DLG2: variants seen among roughly 807,000 people sequenced by gnomAD.
DLG2 encodes disks large homolog 2.
Under a neutral mutation model 132.5 loss-of-function variants are expected in DLG2, and 45 were observed. That is an observed-to-expected ratio of 0.34 (90% CI 0.27 to 0.44). The LOEUF (loss-of-function observed/expected upper bound fraction) is 0.44. Ranked by LOEUF, DLG2 falls within the 20% of genes least tolerant of loss-of-function variation. DLG2 has a pLI of 1.00. For missense variants in DLG2, 1,045 were observed against 1,196.9 expected (o/e 0.87, Z 1.87); for synonymous variants, 424 against 419.6 (o/e 1.01, Z -0.13).
chr11:84,072,564 T>C (rs1440138494), intron 10 of DLG2, among the ~76,000 whole-genome samples: 1 of 152,078 alleles, frequency 6.6e-6, no homozygotes, highest in Non-Finnish European at 1.5e-5. Flanking sequence ...GAAGGCCAAA[T>C]AGAAGTTAGC....
intron 5 of DLG2, 76 bp downstream of exon 5, chr11:85,154,480 C>T (rs2077469400): frequency 2.6e-6 from 2 of 774,892 alleles, no homozygotes; most frequent in African/African-American, 3.5e-5. Flanking sequence ...TTTAACACTA[C>T]TAGCACTATC....
At chr11:84,198,672 T>A (rs2154297160) in intron 8 of DLG2, among the ~76,000 whole-genome samples, 1 of 152,128 alleles carries the variant, frequency 6.6e-6, no homozygotes, top group Admixed American at 6.5e-5. Context: ...TGAATATGAG[T>A]AAAATAAAAA....
intron 6 of DLG2, among the ~76,000 whole-genome samples, chr11:84,742,849 T>A (rs548259491): frequency 1.3e-5 from 2 of 152,210 alleles, no homozygotes; most frequent in African/African-American, 2.4e-5. Flanking sequence ...CTGAACTTTT[T>A]ACTGTCTCTA....
intron 4 of DLG2, among the ~76,000 whole-genome samples, chr11:85,157,789 G>A (rs2077696122): frequency 6.6e-6 from 1 of 152,200 alleles, no homozygotes; most frequent in Non-Finnish European, 1.5e-5. Context: ...CTGCAACTTG[G>A]AATGGCAATG....
At chr11:84,130,524 ATATATG>A (rs1487916936) in intron 9 of DLG2, among the ~76,000 whole-genome samples, 7 of 123,944 alleles carry the variant, frequency 5.6e-5, no homozygotes, top group South Asian at 2.4e-4. Context: ...ACACACACAC[ATATATG>A]TGTGTGTGTA....
intron 6 of DLG2, among the ~76,000 whole-genome samples, chr11:84,673,831 C>T (rs2099708573): frequency 6.6e-6 from 1 of 152,006 alleles, no homozygotes; most frequent in African/African-American, 2.4e-5. Context: ...TATCCTATAC[C>T]TGTCAACTAC....
chr11:83,892,962 C>T (rs790342), intron 15 of DLG2, among the ~76,000 whole-genome samples: 12,989 of 152,188 alleles, frequency 0.085, 774 homozygotes, highest in Non-Finnish European at 0.13. Context: ...CCAGTTCATT[C>T]CCTCCCATGT....
chr11:84,363,912 G>T (rs1333676395), intron 7 of DLG2, among the ~76,000 whole-genome samples: 1 of 152,080 alleles, frequency 6.6e-6, no homozygotes, highest in Non-Finnish European at 1.5e-5. Context: ...GGTTACTGTA[G>T]CCTTGTAGTA....
chr11:84,647,565 T>C (rs1259134948), intron 6 of DLG2, among the ~76,000 whole-genome samples: 1 of 152,220 alleles, frequency 6.6e-6, no homozygotes, highest in African/African-American at 2.4e-5. Flanking sequence ...ATTAGCCTAT[T>C]CACTCATTTC....
At chr11:85,096,717 C>T (rs2069867829) in intron 6 of DLG2, among the ~76,000 whole-genome samples, 1 of 152,120 alleles carries the variant, frequency 6.6e-6, no homozygotes, top group South Asian at 2.1e-4. Context: ...GGGACTATCC[C>T]CTATCACCAA....
chr11:84,461,722 T>C (rs2154485707), intron 7 of DLG2, among the ~76,000 whole-genome samples: 1 of 151,084 alleles, frequency 6.6e-6, no homozygotes, highest in Non-Finnish European at 1.5e-5. Flanking sequence ...CTGGCAGGGC[T>C]TCAGCACAAC....
At chr11:84,833,577 T>C (rs1443770429) in intron 6 of DLG2, among the ~76,000 whole-genome samples, 1 of 151,358 alleles carries the variant, frequency 6.6e-6, no homozygotes, top group Non-Finnish European at 1.5e-5. Context: ...AGCCCCACTT[T>C]TATCACATTT....
Position 85,330,646 on chromosome 11 carries a change from A to T in DLG2, c.41-45281T>A, listed in dbSNP as rs1335497023. Among the ~76,000 whole-genome samples, 16 of 92,514 alleles carry T rather than the reference A, an allele frequency of 1.7e-4. No homozygotes were observed. In the Admixed American group the frequency reaches 1.8e-3, roughly 10 times the overall value. 60.7% of individuals were successfully genotyped at this position (92,514 alleles called of 152,430 possible). A position where few individuals can be genotyped will look rare whatever the true frequency, so the allele number is the denominator to read the frequency against. ...CTGTGGTGGGGTCGGGGGAGGGGGGAGGGATAGCATTGGGAGATATACCTA... is the reference window on the plus strand; with the variant it reads ...CTGTGGTGGGGTCGGGGGAGGGGGGTGGGATAGCATTGGGAGATATACCTA... On this transcript the variant is annotated intron_variant, in intron 3 of 27. Coordinates refer to ENST00000376104, the MANE Select transcript of DLG2 (RefSeq NM_001142699.3).
intron 7 of DLG2, among the ~76,000 whole-genome samples, chr11:84,384,473 C>A (rs2098760875): frequency 2.6e-5 from 4 of 151,920 alleles, no homozygotes; most frequent in Admixed American, 2.6e-4. Context: ...TTAAGCTGCC[C>A]TAGAGATGTT....
At chr11:83,854,327 T>C (rs549696463) in intron 16 of DLG2, among the ~76,000 whole-genome samples, 1 of 152,280 alleles carries the variant, frequency 6.6e-6, no homozygotes, top group East Asian at 1.9e-4. Context: ...GTAGATTTAG[T>C]GCAATCCCAA....
At chr11:84,971,128 G>T (rs1471883115) in intron 6 of DLG2, among the ~76,000 whole-genome samples, 4 of 152,158 alleles carry the variant, frequency 2.6e-5, no homozygotes, top group Non-Finnish European at 5.9e-5. Flanking sequence ...GAGGTACAAA[G>T]ACGGCAGTAT....
intron 5 of DLG2, among the ~76,000 whole-genome samples, chr11:85,122,969 A>ATATAT (rs1438099030): frequency 1.3e-4 from 11 of 86,874 alleles, no homozygotes; most frequent in African/African-American, 2.6e-4. Context: ...ATATATATAT[A>ATATAT]TTTTTTTTTT....
chr11:84,455,299 A>T (rs1228151120), intron 7 of DLG2, among the ~76,000 whole-genome samples: 1 of 151,426 alleles, frequency 6.6e-6, no homozygotes, highest in Non-Finnish European at 1.5e-5. Flanking sequence ...TGTGGCCTGC[A>T]TTGCAAGTAG....
intron 6 of DLG2, among the ~76,000 whole-genome samples, chr11:84,799,943 G>A (rs7119342): frequency 2.0e-5 from 3 of 152,126 alleles, no homozygotes; most frequent in Non-Finnish European, 4.4e-5. Context: ...ATTTGCATAT[G>A]CTTTATGAGA....
Sources: gnomAD v4.1 joint callset for allele counts (sites outside exome capture counted in the v4.1 genomes callset) on GRCh38, gnomAD v4.1.1 for gene constraint, MANE v1.5 for transcripts, NCBI Gene and HGNC (gene_info 2026-07-23, HGNC 2026-07-21) for gene names.